The following CFAP100 variants were observed in gnomAD, a reference collection of about 807,000 sequenced individuals.
The protein encoded by CFAP100 is cilia and flagella associated protein 100, also known as cilia- and flagella-associated protein 100.
In CFAP100, 70 loss-of-function variants were observed where a neutral mutation model predicts 81.5. The ratio of observed to expected loss-of-function variants is 0.86; its 90% CI spans 0.71 to 1.05. The LOEUF (loss-of-function observed/expected upper bound fraction) is 1.05. Among genes scored for constraint, CFAP100 ranks in the 50% least tolerant of loss-of-function variants. The pLI, the probability that CFAP100 is intolerant of heterozygous loss-of-function variation, is 0.00. For missense variants in CFAP100, 811 were observed against 776.5 expected (o/e 1.04, Z -0.53); for synonymous variants, 341 against 314.8 (o/e 1.08, Z -0.88).
chr3:126,423,466 G>A, intron 12 of CFAP100, 27 bp from the exon 13 acceptor site: 1 of 1,613,608 alleles, frequency 6.2e-7, no homozygotes, highest in Non-Finnish European at 8.5e-7. Flanking sequence ...TCCCTGTCCA[G>A]TCCCTGCCAA....
intron 13 of CFAP100, among the ~76,000 whole-genome samples, chr3:126,428,632 G>A (rs1396969987): frequency 6.6e-6 from 1 of 152,136 alleles, no homozygotes; most frequent in Non-Finnish European, 1.5e-5. Flanking sequence ...GTGTTTGATC[G>A]TTTTAATGCA....
intron 2 of CFAP100, among the ~76,000 whole-genome samples, chr3:126,406,789 C>A (rs2083070501): frequency 6.6e-6 from 1 of 152,146 alleles, no homozygotes; most frequent in Admixed American, 6.5e-5. Flanking sequence ...CAGCAGGAAG[C>A]CCCTGGGAGG....
chr3:126,407,062 C>G (rs967015269), intron 2 of CFAP100, 110 bp from the exon 3 acceptor site: 20 of 644,458 alleles, frequency 3.1e-5, no homozygotes, highest in African/African-American at 1.1e-4. Context: ...GGGGAGGGAG[C>G]TGAGGTTGAG....
chr3:126,418,996 G>A, intron 7 of CFAP100, 80 bp from the exon 8 acceptor site: 1 of 1,002,120 alleles, frequency 1.0e-6, no homozygotes, highest in East Asian at 2.6e-5. Flanking sequence ...GGGGCCTGTG[G>A]GTGGTGTGCT....
At position 126,429,785 on chromosome 3, in the gene CFAP100, G is replaced by A. The variant is rs559151924; in HGVS notation, c.1287-3284G>A. On this transcript the variant is annotated intron_variant, in intron 13 of 16. Transcript: ENST00000352312. Reference sequence around the variant, plus strand: ...GAGATTTATACTTTTGTATGCTTTCGTGTTGGTATTTAGTAACTTTTTGTT... The same window carrying A: ...GAGATTTATACTTTTGTATGCTTTCATGTTGGTATTTAGTAACTTTTTGTT... 1.1e-4 allele frequency among the ~76,000 whole-genome samples: 17 copies of A among 152,124 alleles called. No homozygotes were observed. The East Asian group carries it at 2.3e-3, about 21-fold the overall frequency.
chr3:126,412,012 T>G (rs566950640), intron 3 of CFAP100, among the ~76,000 whole-genome samples: 1 of 152,354 alleles, frequency 6.6e-6, no homozygotes, highest in African/African-American at 2.4e-5. Flanking sequence ...CAGTTTGTGC[T>G]CTCTCAGACT....
chr3:126,414,752 G>A (rs2083207850), intron 4 of CFAP100, among the ~76,000 whole-genome samples: 1 of 152,220 alleles, frequency 6.6e-6, no homozygotes, highest in Non-Finnish European at 1.5e-5. Flanking sequence ...CCTGAGAGCT[G>A]TGAGCCCTGA....
chr3:126,413,703 T>C (rs1390433053), intron 3 of CFAP100, among the ~76,000 whole-genome samples: 1 of 152,196 alleles, frequency 6.6e-6, no homozygotes, highest in Non-Finnish European at 1.5e-5. Context: ...GCAAGGGCCA[T>C]GAGTTCAGTG....
chr3:126,414,031 A>C, intron 3 of CFAP100, 54 bp from the exon 4 acceptor site: 1 of 1,343,878 alleles, frequency 7.4e-7, no homozygotes, highest in Non-Finnish European at 1.1e-6. Flanking sequence ...AGAGACAGAG[A>C]CCACCGCCTG....
Position 126,419,098 on chromosome 3 carries a change from A to T in CFAP100, c.673A>T (p.Lys225Ter). 1 of 1,338,218 alleles carries T rather than the reference A, an allele frequency of 7.5e-7. No homozygotes were observed. The highest frequency in any genetic ancestry group is 2.1e-5 in the Admixed American group (1 of 47,344). The allele number at this position is 1,338,218 out of a possible 1,614,324, so 82.9% of individuals were successfully genotyped here. A position where few individuals can be genotyped will look rare whatever the true frequency, so the allele number is the denominator to read the frequency against. ...TAGGGCTGAGAAGGAGACCAAAGCC[A>T]AGATAGAGAAGATCCTTGAGATCCG... ...MRAAEKETKA[K>*]IEKILEIRDL... is the part of the protein sequence containing the mutation. The change falls in exon 8 of 17, where the codon AAG becomes TAG. Residue 225 changes from lysine to a stop codon, truncating the protein, a stop_gained. Transcript: ENST00000352312. LOFTEE classifies it high-confidence loss of function.
intron 11 of CFAP100, chr3:126,420,956 G>C (rs1046714909): frequency 6.6e-6 from 1 of 152,142 alleles, no homozygotes; most frequent in African/African-American, 2.4e-5. Flanking sequence ...AGCCCGGTGT[G>C]GTGTGGTACA....
intron 3 of CFAP100, 23 bp from the exon 4 acceptor site, chr3:126,414,062 C>T (rs1247490563): frequency 6.3e-7 from 1 of 1,575,782 alleles, no homozygotes; most frequent in Non-Finnish European, 8.7e-7. Flanking sequence ...CTCCCCTTTC[C>T]AGAGAGGTGT....
At position 126,407,267 on chromosome 3, in the gene CFAP100, G is replaced by C; in HGVS notation, c.130+15G>C. On this transcript the variant is annotated intron_variant, in intron 3 of 16. Coordinates refer to ENST00000352312, the MANE Select transcript of CFAP100 (RefSeq NM_182628.3). ...AAAAAACGAAGGTAACCTTCAAGCT[G>C]GGAGGCTAAAGTCCAAGTTGGCAGG... 6.2e-7 allele frequency: 1 copy of C among 1,605,442 alleles called. No individual in the cohort carries two copies. Among genetic ancestry groups the C allele is most frequent in the Non-Finnish European group, 8.5e-7 (1 of 1,173,360 alleles).
chr3:126,413,889 A>G (rs1311375528), intron 3 of CFAP100, among the ~76,000 whole-genome samples, 196 bp from the exon 4 acceptor site: 4 of 152,246 alleles, frequency 2.6e-5, no homozygotes, highest in Non-Finnish European at 5.9e-5. Flanking sequence ...AACTTGAACC[A>G]GGTTAAACTA....
chr3:126,416,287 C>T (rs2083238141), intron 4 of CFAP100, 29 bp from the exon 5 acceptor site: 1 of 1,559,188 alleles, frequency 6.4e-7, no homozygotes, highest in African/African-American at 1.4e-5. Context: ...GGAGCCTGGG[C>T]CCCGCCCGAC....
intron 15 of CFAP100, 148 bp downstream of exon 15, chr3:126,434,529 G>T: frequency 2.7e-6 from 2 of 753,840 alleles, no homozygotes; most frequent in Non-Finnish European, 4.2e-6. Context: ...GTCTTGGGGG[G>T]ATCTAGAGGG....
intron 2 of CFAP100, among the ~76,000 whole-genome samples, chr3:126,400,043 G>A (rs2082949444): frequency 6.6e-6 from 1 of 152,186 alleles, no homozygotes; most frequent in South Asian, 2.1e-4. Flanking sequence ...TGTTGGTCAA[G>A]GGCTGTCCTT....
chr3:126,426,682 G>T (rs573829389), intron 13 of CFAP100, among the ~76,000 whole-genome samples: 1 of 152,116 alleles, frequency 6.6e-6, no homozygotes, highest in African/African-American at 2.4e-5. Flanking sequence ...CTTGGGAGGC[G>T]GAGGTTGCAG....
At chr3:126,410,163 T>C (rs947886595) in intron 3 of CFAP100, among the ~76,000 whole-genome samples, 2 of 152,202 alleles carry the variant, frequency 1.3e-5, no homozygotes, top group Non-Finnish European at 2.9e-5. Context: ...ATCTTGCTAC[T>C]GCACTCCAGT....
Sources: allele counts gnomAD v4.1 joint callset (sites outside exome capture counted in the v4.1 genomes callset), GRCh38; gene constraint gnomAD v4.1.1; transcripts MANE v1.5; gene names NCBI Gene and HGNC (gene_info 2026-07-23, HGNC 2026-07-21).